Variants in CTNNA1 observed in about 807,000 individuals in gnomAD.
CTNNA1 encodes catenin alpha-1.
Under a neutral mutation model 98.4 loss-of-function variants are expected in CTNNA1, and 37 were observed. The ratio of observed to expected loss-of-function variants is 0.38; its 90% confidence interval spans 0.29 to 0.49. The LOEUF (loss-of-function observed/expected upper bound fraction) is 0.49. CTNNA1 is among the 20% of genes least tolerant of loss of function. The pLI is 0.95. For synonymous variants in CTNNA1, 404 were observed against 413.2 expected (o/e 0.98, Z 0.27); for missense variants, 761 against 1,147.2 (o/e 0.66, Z 4.86).
At chr5:138,779,379 A>G (rs1003226715) in intron 1 of CTNNA1, among the ~76,000 whole-genome samples, 1 of 152,144 alleles carries the variant, frequency 6.6e-6, no homozygotes, top group Non-Finnish European at 1.5e-5. Context: ...AGTTACAGTC[A>G]TTATTCTCTT....
intron 10 of CTNNA1, among the ~76,000 whole-genome samples, chr5:138,908,917 T>A (rs1357364413): frequency 6.6e-6 from 1 of 152,122 alleles, no homozygotes; most frequent in Non-Finnish European, 1.5e-5. Flanking sequence ...AGTTTACAAA[T>A]TGGTTTGGGA....
Position 138,924,772 on chromosome 5 carries a change from C to G in CTNNA1, c.1747+62C>G, listed in dbSNP as rs1763651376. The G allele has an allele frequency of 2.9e-6, 4 of 1,396,950 alleles. No homozygotes were observed. The East Asian group carries it at 7.5e-5, about 26-fold the overall frequency. The allele number at this position is 1,396,950 out of a possible 1,614,324, so 86.5% of individuals were successfully genotyped here. On this transcript the variant is annotated intron_variant, in intron 12 of 17. Coordinates refer to ENST00000302763, the MANE Select transcript of CTNNA1 (RefSeq NM_001903.5). ...CGCAGCCTCAGTGAGGCAGGCCACC[C>G]CATTAGCCCAGCCCTGTGGTGAGGA... is the stretch of plus-strand genomic sequence containing the variant.
At chr5:138,905,111 A>AATACATACATACATACATACATAC (rs58678514) in intron 10 of CTNNA1, among the ~76,000 whole-genome samples, 10 of 139,324 alleles carry the variant, frequency 7.2e-5, no homozygotes, top group African/African-American at 2.3e-4. Context: ...AAAAAAAAAA[A>AATACATACATACATACATACATAC]ATACATACAT....
At chr5:138,897,742 C>T (rs1464842945) in intron 9 of CTNNA1, among the ~76,000 whole-genome samples, 3 of 152,136 alleles carry the variant, frequency 2.0e-5, no homozygotes, top group African/African-American at 7.2e-5. Context: ...TTGTTTGAGA[C>T]AAAATTGTCT....
In CTNNA1 at chr5:138,827,631, G is replaced by A. The variant is rs774892658; in HGVS notation, c.975G>A (p.Thr325=). The A allele has an allele frequency of 4.3e-6, 7 of 1,614,222 alleles. No individual in the cohort carries two copies. Among genetic ancestry groups the A allele is most frequent in the East Asian group, 4.5e-5 (2 of 44,884 alleles). The part of the protein sequence containing the change: ...GAALMADSSC[T]RDDRRERIVA... ...CCTTGATGGCCGACTCGTCCTGCAC[G>A]CGTGATGACCGTCGTGAGCGAATTG... The change falls in exon 7 of 18, where the codon ACG becomes ACA. Residue 325 remains threonine (T), a synonymous_variant. Coordinates refer to ENST00000302763, the MANE Select transcript of CTNNA1 (RefSeq NM_001903.5).
intron 5 of CTNNA1, among the ~76,000 whole-genome samples, chr5:138,812,624 C>T (rs1758948689): frequency 6.6e-6 from 1 of 152,132 alleles, no homozygotes; most frequent in Non-Finnish European, 1.5e-5. Context: ...CAGTTTTGTT[C>T]AGATTTTTAA....
intron 10 of CTNNA1, among the ~76,000 whole-genome samples, chr5:138,905,583 A>C (rs1308592063): frequency 6.6e-6 from 1 of 152,258 alleles, no homozygotes; most frequent in African/African-American, 2.4e-5. Context: ...TCTGAAGTGA[A>C]AGCTCAAGAA....
chr5:138,868,984 AC>A (rs1218391049), intron 7 of CTNNA1: 1 of 140,768 alleles, frequency 7.1e-6, no homozygotes, highest in Non-Finnish European at 1.6e-5. Context: ...TCTTTATGTT[AC>A]CCTCCCCCCT....
In CTNNA1 at chr5:138,781,967, C is replaced by T. The variant is rs1755160090; in HGVS notation, c.43C>T (p.Pro15Ser). 3 of 1,601,618 alleles carry T rather than the reference C, an allele frequency of 1.9e-6. No individual in the cohort carries two copies. In the East Asian group the frequency reaches 6.7e-5, roughly 36 times the overall value. ...HAGNINFKWDPKSLEIRTLAV... is the reference protein window; with the variant it reads ...HAGNINFKWDSKSLEIRTLAV... Reference sequence around the variant, plus strand: ...AGGCAACATAAACTTCAAGTGGGATCCTAAAAGTCTAGAGATCAGGACTCT... The same window carrying T: ...AGGCAACATAAACTTCAAGTGGGATTCTAAAAGTCTAGAGATCAGGACTCT... The change falls in exon 2 of 18, where the codon CCT becomes TCT. Residue 15 changes from proline (P) to serine (S), a missense_variant. By Grantham distance (74) the Pro-to-Ser change is moderately conservative. Around this residue, in one of 6 missense-constraint regions of CTNNA1, gnomAD observed 328 missense variants for 354.3 expected, o/e 0.93. Transcript: ENST00000302763.
intron 7 of CTNNA1, among the ~76,000 whole-genome samples, chr5:138,844,182 G>C (rs1339608437): frequency 1.3e-5 from 2 of 150,780 alleles, no homozygotes; most frequent in African/African-American, 5.0e-5. Flanking sequence ...TAAAAGTAGA[G>C]ATGGGGTTTT....
At chr5:138,868,534 G>T (rs191140705) in intron 7 of CTNNA1, among the ~76,000 whole-genome samples, 1 of 152,102 alleles carries the variant, frequency 6.6e-6, no homozygotes, top group East Asian at 1.9e-4. Context: ...ACAGGCAATT[G>T]GTACCTTTCC....
chr5:138,838,911 G>A (rs113557187), intron 7 of CTNNA1, among the ~76,000 whole-genome samples: 1,875 of 151,358 alleles, frequency 0.012, 41 homozygotes, highest in African/African-American at 0.038. Context: ...GATTACAGGC[G>A]TGAGCTACCG....
At chr5:138,846,629 A>G (rs190366634) in intron 7 of CTNNA1, among the ~76,000 whole-genome samples, 134 of 152,264 alleles carry the variant, frequency 8.8e-4, no homozygotes, top group African/African-American at 3.2e-3. Context: ...TAAATCCTAT[A>G]TTGTGTACAC....
intron 3 of CTNNA1, among the ~76,000 whole-genome samples, chr5:138,802,581 T>A (rs111417892): frequency 6.3e-4 from 96 of 152,306 alleles, no homozygotes; most frequent in Non-Finnish European, 9.7e-4. Context: ...AGAATCATAA[T>A]TCTCTGTGAT....
intron 10 of CTNNA1, among the ~76,000 whole-genome samples, chr5:138,909,565 C>T (rs1760088446): frequency 6.6e-6 from 1 of 152,076 alleles, no homozygotes; most frequent in Non-Finnish European, 1.5e-5. Flanking sequence ...TCTCAAACTC[C>T]TGAGGTCAGG....
At chr5:138,762,268 C>T (rs1294260802) in intron 1 of CTNNA1, among the ~76,000 whole-genome samples, 2 of 152,166 alleles carry the variant, frequency 1.3e-5, no homozygotes, top group African/African-American at 4.8e-5. Flanking sequence ...TCTGCCCTGT[C>T]CCCCACATGT....
intron 1 of CTNNA1, among the ~76,000 whole-genome samples, chr5:138,759,573 G>C (rs1752085571): frequency 6.6e-6 from 1 of 152,134 alleles, no homozygotes; most frequent in African/African-American, 2.4e-5. Flanking sequence ...AGTCATGGAG[G>C]GGGTGCAATA....
intron 10 of CTNNA1, 34 bp downstream of exon 10, chr5:138,904,475 C>G: frequency 6.3e-7 from 1 of 1,584,936 alleles, no homozygotes; most frequent in Non-Finnish European, 8.6e-7. Context: ...ACAGCATAAC[C>G]AAATTAAATT....
chr5:138,874,210 A>C lies in CTNNA1; in HGVS notation c.1063-12002A>C, dbSNP rs766573903. 6.2e-7 allele frequency: 1 copy of C among 1,613,986 alleles called. No individual in the cohort carries two copies. The highest frequency in any genetic ancestry group is 8.5e-7 in the Non-Finnish European group (1 of 1,179,880). On this transcript the variant is annotated intron_variant, in intron 7 of 17. Transcript: ENST00000302763. The surrounding 1 kb of genome is among the most constrained non-coding windows in gnomAD (Gnocchi z 4.1). Reference sequence around the variant, plus strand: ...TTGGCAAGTAAAATATTTTGTTGGAACTTAAGATTAATTCCTTAAGTTTAT... The same window carrying C: ...TTGGCAAGTAAAATATTTTGTTGGACCTTAAGATTAATTCCTTAAGTTTAT...
Sources: gnomAD v4.1 joint callset for allele counts (sites outside exome capture counted in the v4.1 genomes callset) on GRCh38, gnomAD v4.1.1 for gene constraint, gnomAD v4.1.1 regional missense constraint, Gnocchi (gnomAD v3.1) non-coding constraint, MANE v1.5 for transcripts, NCBI Gene and HGNC (gene_info 2026-07-23, HGNC 2026-07-21) for gene names.